Variants in HS6ST1 observed in about 807,000 individuals in gnomAD.
HS6ST1 encodes heparan-sulfate 6-O-sulfotransferase 1.
Under a neutral mutation model 25.2 loss-of-function variants are expected in HS6ST1, and 3 were observed. The observed-to-expected ratio is 0.12, with a 90% CI of 0.05 to 0.31. The LOEUF (loss-of-function observed/expected upper bound fraction) is 0.31. Among genes scored for constraint, HS6ST1 ranks in the 10% least tolerant of loss-of-function variants. HS6ST1 has a pLI of 1.00. For missense variants in HS6ST1, 310 were observed against 609.6 expected (o/e 0.51, Z 5.18); for synonymous variants, 204 against 275.1 (o/e 0.74, Z 2.56).
intron 1 of HS6ST1, among the ~76,000 whole-genome samples, chr2:128,314,185 G>T (rs557940149): frequency 6.6e-6 from 1 of 152,136 alleles, no homozygotes; most frequent in East Asian, 1.9e-4. Flanking sequence ...ATGAAGGTAA[G>T]GTGGAAACTG....
intron 1 of HS6ST1, among the ~76,000 whole-genome samples, chr2:128,300,607 G>A (rs1694110093): frequency 6.6e-6 from 1 of 152,214 alleles, no homozygotes; most frequent in African/African-American, 2.4e-5. Flanking sequence ...TCTAGCACCT[G>A]TTGTAATTAA....
At chr2:128,284,655 T>C (rs1350635331) in intron 1 of HS6ST1, among the ~76,000 whole-genome samples, 1 of 152,094 alleles carries the variant, frequency 6.6e-6, no homozygotes, top group Non-Finnish European at 1.5e-5. Context: ...ACCCAGCTAA[T>C]TTTTGTATTT....
At chr2:128,305,532 C>T (rs74752487) in intron 1 of HS6ST1, among the ~76,000 whole-genome samples, 3,271 of 152,310 alleles carry the variant, frequency 0.021, 127 homozygotes, top group African/African-American at 0.075. Flanking sequence ...CTGCAGTGGG[C>T]GGGAAGGAAG....
Position 128,301,541 on chromosome 2 carries a change from G to A in HS6ST1, c.527+16496C>T, listed in dbSNP as rs115301343. ...ACCAGTGGGAAGGAATTTCAAATAC[G>A]AAGAAACATCCCCAAGTGCCAACCA... is the stretch of plus-strand genomic sequence containing the variant. On this transcript the variant is annotated intron_variant, in intron 1 of 1. Coordinates refer to ENST00000259241, the MANE Select transcript of HS6ST1 (RefSeq NM_004807.3). Among the ~76,000 whole-genome samples, 361 of 152,314 alleles carry A rather than the reference G, an allele frequency of 2.4e-3. 1 individual carries two copies. Among genetic ancestry groups the A allele is most frequent in the African/African-American group, 8.1e-3 (337 of 41,556 alleles).
chr2:128,287,108 A>C (rs541438871), intron 1 of HS6ST1, among the ~76,000 whole-genome samples: 128 of 152,286 alleles, frequency 8.4e-4, no homozygotes, highest in Admixed American at 1.3e-3. Flanking sequence ...GGGGTGGCTT[A>C]GCCATCAGGT....
At chr2:128,269,902 G>C (rs980892621) in intron 1 of HS6ST1, among the ~76,000 whole-genome samples, 1 of 152,184 alleles carries the variant, frequency 6.6e-6, no homozygotes, top group Admixed American at 6.5e-5. Context: ...GGGCAGGGGT[G>C]GGGGTGGGGG....
intron 1 of HS6ST1, among the ~76,000 whole-genome samples, chr2:128,277,472 C>T (rs991599277): frequency 6.6e-6 from 1 of 152,218 alleles, no homozygotes; most frequent in Non-Finnish European, 1.5e-5. Context: ...TACCACCATC[C>T]AGTCAGTGAG....
At chr2:128,314,874 G>A (rs1694338212) in intron 1 of HS6ST1, among the ~76,000 whole-genome samples, 3 of 152,258 alleles carry the variant, frequency 2.0e-5, no homozygotes, top group South Asian at 4.1e-4. Context: ...GACATTTCCA[G>A]GGTGGCCCGG....
chr2:128,317,989 G>A, intron 1 of HS6ST1, 48 bp downstream of exon 1: 1 of 1,400,676 alleles, frequency 7.1e-7, no homozygotes, highest in East Asian at 2.9e-5. Context: ...CATACGGCCC[G>A]GCCTCGGGGG....
chr2:128,275,091 G>GAAAAAAT (rs1278527621), intron 1 of HS6ST1, among the ~76,000 whole-genome samples: 1 of 151,764 alleles, frequency 6.6e-6, no homozygotes, highest in African/African-American at 2.4e-5. Context: ...GAATCATTTG[G>GAAAAAAT]AAAAAATTAA....
intron 1 of HS6ST1, among the ~76,000 whole-genome samples, chr2:128,308,526 C>T (rs557103246): frequency 2.0e-5 from 3 of 152,336 alleles, no homozygotes; most frequent in African/African-American, 7.2e-5. Flanking sequence ...CAGGCTGCCA[C>T]CCACAGGGTC....
At chr2:128,272,803 C>G (rs1233453673) in intron 1 of HS6ST1, among the ~76,000 whole-genome samples, 1 of 152,176 alleles carries the variant, frequency 6.6e-6, no homozygotes, top group Non-Finnish European at 1.5e-5. Context: ...CTGCTGAAGA[C>G]AGACACTCAT....
At chr2:128,290,204 A>G (rs1693931100) in intron 1 of HS6ST1, 1 of 152,166 alleles carries the variant, frequency 6.6e-6, no homozygotes, top group African/African-American at 2.4e-5. Context: ...TAAGTTTGAC[A>G]TTTTTCAAGA....
rs796780045 is a variant in HS6ST1, at chr2:128,307,024, A to G, written c.527+11013T>C. On this transcript the variant is annotated intron_variant, in intron 1 of 1. Transcript: ENST00000259241. ...AACGCCCACCCAGATTTTCACTGGG[A>G]GTTGGGGTGGGGGGGTCCCTGTGAC... 5.3e-5 allele frequency among the ~76,000 whole-genome samples: 8 copies of G among 151,444 alleles called. 1 individual carries two copies. Among genetic ancestry groups the G allele is most frequent in the African/African-American group, 1.9e-4 (8 of 41,288 alleles).
chr2:128,299,582 C>T (rs180747301), intron 1 of HS6ST1, among the ~76,000 whole-genome samples: 183 of 152,324 alleles, frequency 1.2e-3, no homozygotes, highest in African/African-American at 4.3e-3. Context: ...GATGAGGAAA[C>T]TGAAGCAGAG....
chr2:128,308,392 T>C (rs566304429), intron 1 of HS6ST1, among the ~76,000 whole-genome samples: 2 of 152,308 alleles, frequency 1.3e-5, no homozygotes, highest in Admixed American at 6.5e-5. Context: ...GAACAAGGCC[T>C]GGGCCCTCAG....
rs1318217432 is a variant in HS6ST1 at position 128,318,043 on chromosome 2, G to A, written c.521C>T (p.Thr174Met). The A allele has an allele frequency of 2.0e-6, 3 of 1,514,474 alleles. No homozygotes were observed. Among genetic ancestry groups the A allele is most frequent in the Non-Finnish European group, 2.6e-6 (3 of 1,137,936 alleles). The allele number at this position is 1,514,474 out of a possible 1,614,324, so 93.8% of individuals were successfully genotyped here. ...LDRRDSAALR[T>M]PRKFYYITLL... ...CCGCCGCCCGGGCGCTCACCTGGGC[G>A]TGCGCAGCGCGGCGGAGTCGCGGCG... The change falls in exon 1 of 2, where the codon ACG becomes ATG. Residue 174 changes from threonine (T) to methionine (M), a missense_variant. Coordinates refer to ENST00000259241, the MANE Select transcript of HS6ST1 (RefSeq NM_004807.3). The surrounding 1 kb of genome is among the most constrained non-coding windows in gnomAD (Gnocchi z 5.7).
chr2:128,293,077 C>T (rs1405781612), intron 1 of HS6ST1, among the ~76,000 whole-genome samples: 2 of 152,176 alleles, frequency 1.3e-5, no homozygotes, highest in Non-Finnish European at 2.9e-5. Flanking sequence ...TGGAGCTGGT[C>T]CCTGCTCTGC....
At chr2:128,281,394 T>G (rs186373667) in intron 1 of HS6ST1, among the ~76,000 whole-genome samples, 144 of 152,226 alleles carry the variant, frequency 9.5e-4, no homozygotes, top group African/African-American at 3.4e-3. Flanking sequence ...GTGCAGAAAG[T>G]CCCTGAGGAG....
Sources: gnomAD v4.1 joint callset for allele counts (sites outside exome capture counted in the v4.1 genomes callset) on GRCh38, gnomAD v4.1.1 for gene constraint, Gnocchi (gnomAD v3.1) non-coding constraint, MANE v1.5 for transcripts, NCBI Gene and HGNC (gene_info 2026-07-23, HGNC 2026-07-21) for gene names.